The following CSGALNACT1 variants were observed in gnomAD, a reference collection of about 807,000 sequenced individuals.
The protein encoded by CSGALNACT1 is beta4GalNAcT-1.
CSGALNACT1 carries 52 observed loss-of-function variants against 51.0 expected under a neutral mutation model. That is an observed-to-expected ratio of 1.02 (90% CI 0.82 to 1.29). The LOEUF is 1.29. Ranked by LOEUF, CSGALNACT1 falls within the 50% of genes most tolerant of loss-of-function variation. The probability of loss-of-function intolerance (pLI) is 0.00; values close to 1 mark genes in which losing one functional copy is unlikely to be tolerated. For synonymous variants in CSGALNACT1, 341 were observed against 254.4 expected, an observed-to-expected ratio of 1.34 and a Z score of -3.24; for missense variants, 935 against 679.2, an observed-to-expected ratio of 1.38 and a Z score of -4.19.
chr8:19,575,884 T>C (rs1424429712), intron 3 of CSGALNACT1, among the ~76,000 whole-genome samples: 1 of 152,162 alleles, frequency 6.6e-6, no homozygotes, highest in Non-Finnish European at 1.5e-5. Context: ...GAGTTCATTG[T>C]ACCATACTTT....
At chr8:19,652,708 G>C (rs2057922114) in intron 1 of CSGALNACT1, among the ~76,000 whole-genome samples, 1 of 152,178 alleles carries the variant, frequency 6.6e-6, no homozygotes, top group Non-Finnish European at 1.5e-5. Context: ...ACCTCCTGCT[G>C]TTCCACTTAA....
At chr8:19,722,981 G>A (rs7460708) in intron 1 of CSGALNACT1, among the ~76,000 whole-genome samples, 24,058 of 152,190 alleles carry the variant, frequency 0.16, 2,536 homozygotes, top group East Asian at 0.39. Context: ...ACCTGCCACC[G>A]ATCTTTATTC....
intron 3 of CSGALNACT1, among the ~76,000 whole-genome samples, chr8:19,522,801 G>A (rs769269552): frequency 1.5e-4 from 23 of 152,084 alleles, no homozygotes; most frequent in Non-Finnish European, 2.8e-4. Context: ...ATACACTAAC[G>A]TTCTAATTTC....
chr8:19,712,182 C>T (rs577436826), intron 1 of CSGALNACT1, among the ~76,000 whole-genome samples: 7 of 152,130 alleles, frequency 4.6e-5, no homozygotes, highest in African/African-American at 9.7e-5. Flanking sequence ...CGCGCCGCCA[C>T]GCCCGGCTAA....
chr8:19,628,254 G>C (rs1398078015), intron 1 of CSGALNACT1, among the ~76,000 whole-genome samples: 1 of 152,188 alleles, frequency 6.6e-6, no homozygotes, highest in African/African-American at 2.4e-5. Flanking sequence ...GGAGGCCTCA[G>C]GAAACTTGTA....
chr8:19,607,533 T>C (rs750741736), intron 1 of CSGALNACT1, among the ~76,000 whole-genome samples: 6 of 152,296 alleles, frequency 3.9e-5, no homozygotes, highest in Middle Eastern at 3.4e-3. Flanking sequence ...CCACATGCAA[T>C]TGTTCATTTT....
At chr8:19,437,693 G>C (rs1350410105) in intron 6 of CSGALNACT1, among the ~76,000 whole-genome samples, 1 of 152,154 alleles carries the variant, frequency 6.6e-6, no homozygotes, top group Non-Finnish European at 1.5e-5. Context: ...ACATATACCA[G>C]GTATAGGTAT....
intron 3 of CSGALNACT1, among the ~76,000 whole-genome samples, chr8:19,526,799 T>C (rs762355488): frequency 6.6e-6 from 1 of 152,148 alleles, no homozygotes; most frequent in African/African-American, 2.4e-5. Flanking sequence ...ATTTCATGAG[T>C]ATAGCAAAAT....
intron 1 of CSGALNACT1, among the ~76,000 whole-genome samples, chr8:19,610,829 G>T (rs1245502937): frequency 6.6e-6 from 1 of 152,254 alleles, no homozygotes; most frequent in African/African-American, 2.4e-5. Flanking sequence ...CTCTGTCCTT[G>T]AGACAAGGTG....
At chr8:19,572,054 C>T (rs2043161766) in intron 3 of CSGALNACT1, among the ~76,000 whole-genome samples, 1 of 152,190 alleles carries the variant, frequency 6.6e-6, no homozygotes, top group South Asian at 2.1e-4. Context: ...CATCAGCCAC[C>T]TTCAAGTGTT....
chr8:19,618,759 A>C (rs1367818998), intron 1 of CSGALNACT1, among the ~76,000 whole-genome samples: 1 of 152,048 alleles, frequency 6.6e-6, no homozygotes, highest in Non-Finnish European at 1.5e-5. Flanking sequence ...GACGGGGGAC[A>C]TGACTCTCCC....
chr8:19,694,560 C>T (rs988686007), intron 1 of CSGALNACT1, among the ~76,000 whole-genome samples: 1 of 152,234 alleles, frequency 6.6e-6, no homozygotes, highest in Non-Finnish European at 1.5e-5. Flanking sequence ...CTTTCCTAAG[C>T]CTACACACAC....
chr8:19,571,051 A>G (rs2042919013), intron 3 of CSGALNACT1, among the ~76,000 whole-genome samples: 1 of 152,170 alleles, frequency 6.6e-6, no homozygotes, highest in African/African-American at 2.4e-5. Flanking sequence ...CAATCACTGC[A>G]GCCTCAACCT....
chr8:19,422,015 A>T (rs1239975305), intron 6 of CSGALNACT1, among the ~76,000 whole-genome samples: 1 of 152,036 alleles, frequency 6.6e-6, no homozygotes, highest in African/African-American at 2.4e-5. Flanking sequence ...ATCATTCTAA[A>T]CCTAGCTGTG....
Position 19,709,713 on chromosome 8 carries a change from G to C in CSGALNACT1, c.-297+48137C>G, listed in dbSNP as rs948966801. Among the ~76,000 whole-genome samples, 66 of 152,210 alleles carry C rather than the reference G, an allele frequency of 4.3e-4. 1 individual carries two copies. Among genetic ancestry groups the C allele is most frequent in the Non-Finnish European group, 1.3e-4 (9 of 68,044 alleles). On this transcript the variant is annotated intron_variant, in intron 1 of 1. Transcript: ENST00000517494. ...CCACGAGGGCATTAGGCACTATGGA[G>C]GTTTGAGCCTGCCCCCCCGCCCAGA...
intron 1 of CSGALNACT1, among the ~76,000 whole-genome samples, chr8:19,754,104 T>C (rs1319689420): frequency 1.3e-5 from 2 of 152,064 alleles, no homozygotes; most frequent in African/African-American, 4.8e-5. Flanking sequence ...CTCAGCTCAA[T>C]GCAACCTCCG....
Position 19,432,095 on chromosome 8 carries a change from G to A in CSGALNACT1, c.953+7735C>T, listed in dbSNP as rs143495750. Among the ~76,000 whole-genome samples the A allele has an allele frequency of 2.0e-3, 306 of 152,184 alleles. 1 individual carries two copies. The highest frequency in any genetic ancestry group is 7.2e-3 in the African/African-American group (297 of 41,534). ...TTACGTCTTCATGTGGATTTGTCTA[G>A]TGTCCTTTCATGTCCGCCCCAAGGA... is the stretch of plus-strand genomic sequence containing the variant. On this transcript the variant is annotated intron_variant, in intron 6 of 9. Transcript: ENST00000454498.
At chr8:19,686,625 G>A (rs947674726), upstream of CSGALNACT1, among the ~76,000 whole-genome samples, 3 of 152,220 alleles carry the variant, frequency 2.0e-5, no homozygotes, top group Non-Finnish European at 2.9e-5. Flanking sequence ...ACTCCACTGG[G>A]CATAAACATT....
At chr8:19,598,393 G>A (rs2049445098) in intron 2 of CSGALNACT1, among the ~76,000 whole-genome samples, 1 of 152,160 alleles carries the variant, frequency 6.6e-6, no homozygotes, top group African/African-American at 2.4e-5. Flanking sequence ...CAGACTTTAT[G>A]GCACCCCTCA....
Sources: gnomAD v4.1 joint callset for allele counts (sites outside exome capture counted in the v4.1 genomes callset) on GRCh38, gnomAD v4.1.1 for gene constraint, MANE v1.5 for transcripts, NCBI Gene and HGNC (gene_info 2026-07-23, HGNC 2026-07-21) for gene names.